The following MAIP1 variants were observed in gnomAD, a reference collection of about 807,000 sequenced individuals.
The protein encoded by MAIP1 is matrix AAA peptidase interacting protein 1, also known as m-AAA protease-interacting protein 1, mitochondrial.
A neutral mutation model predicts 31.2 loss-of-function variants in MAIP1; 28 were observed. The ratio of observed to expected loss-of-function variants is 0.90; its 90% CI spans 0.67 to 1.23. The LOEUF (loss-of-function observed/expected upper bound fraction) is 1.23. MAIP1 is among the 50% of genes most tolerant of loss of function. The probability of loss-of-function intolerance (pLI) is 0.00; values close to 1 mark genes in which losing one functional copy is unlikely to be tolerated. For missense variants in MAIP1, 339 were observed against 356.0 expected (o/e 0.95, Z 0.38); for synonymous variants, 142 against 142.3 (o/e 1.00, Z 0.02).
upstream of MAIP1, chr2:199,955,344 C>T (rs1464078626): frequency 1.8e-5 from 28 of 1,595,402 alleles, no homozygotes; most frequent in East Asian, 1.6e-4. Flanking sequence ...AAGGTAAAGA[C>T]GTGTCTCTCG....
Position 199,958,854 on chromosome 2 carries a change from C to T in MAIP1, c.451-414C>T, listed in dbSNP as rs1052604705. Among the ~76,000 whole-genome samples, 5 of 152,352 alleles carry T rather than the reference C, an allele frequency of 3.3e-5. No individual in the cohort carries two copies. The South Asian group carries it at 6.2e-4, about 19-fold the overall frequency. On this transcript the variant is annotated intron_variant, in intron 1 of 4. Transcript: ENST00000392290. ...ATCTCCCATACTGAGATTCAGACTA[C>T]AGCCCAGATTTCCAGACTCCCAATG...
chr2:199,960,637 A>AT (rs754348185), intron 3 of MAIP1, among the ~76,000 whole-genome samples: 19 of 152,360 alleles, frequency 1.2e-4, no homozygotes, highest in Admixed American at 3.3e-4. Context: ...TATTATAAAT[A>AT]ATCTAGAGAT....
chr2:199,959,314 T>C lies in MAIP1; in HGVS notation c.497T>C (p.Leu166Pro). Reference sequence around the variant, plus strand: ...TTGCTGTCACAGTGTAAATTTGATCTGTTGGAAGAACTTGTGGCCAAAGAG... The same window carrying C: ...TTGCTGTCACAGTGTAAATTTGATCCGTTGGAAGAACTTGTGGCCAAAGAG... ...SKLLSQCKFD[L>P]LEELVAKEVL... is the part of the protein sequence containing the mutation. The change falls in exon 2 of 5, where the codon CTG (leucine) becomes CCG (proline). Residue 166 changes from leucine to proline, a missense_variant. Leu to Pro is a moderately conservative substitution (Grantham distance 98, BLOSUM62 -3). Transcript: ENST00000392290. 1.9e-6 allele frequency: 3 copies of C among 1,598,896 alleles called. No individual in the cohort carries two copies. The highest frequency in any genetic ancestry group is 2.6e-6 in the Non-Finnish European group (3 of 1,166,426).
Position 199,955,671 on chromosome 2 carries a change from C to T in MAIP1, c.-128C>T, listed in dbSNP as rs552304349. ...TGCTGGAGAGCGGGGACGGGGCCGA[C>T]TCACCAGAGGCTGCAGCAACAGGTC... On this transcript the variant is annotated 5_prime_UTR_variant, in exon 1 of 5. Transcript: ENST00000392290. 338 of 1,140,006 alleles carry T rather than the reference C, an allele frequency of 3.0e-4. No homozygotes were observed. Among genetic ancestry groups the T allele is most frequent in the Admixed American group, 7.8e-4 (28 of 35,794 alleles). The allele number at this position is 1,140,006 out of a possible 1,614,324, so 70.6% of individuals were successfully genotyped here.
upstream of MAIP1, chr2:199,955,549 A>C: frequency 6.5e-7 from 1 of 1,537,560 alleles, no homozygotes; most frequent in Non-Finnish European, 8.8e-7. Context: ...GCCCGGAAAC[A>C]CGAGCGACAG....
At position 199,958,201 on chromosome 2, in the gene MAIP1, C is replaced by T. The variant is rs182904442; in HGVS notation, c.451-1067C>T. Among the ~76,000 whole-genome samples, 405 of 152,246 alleles carry T rather than the reference C, an allele frequency of 2.7e-3. 2 individuals carry two copies. Among genetic ancestry groups the T allele is most frequent in the Non-Finnish European group, 3.9e-3 (264 of 68,012 alleles). Reference sequence around the variant, plus strand: ...ACAGATGGCCGTCTTCTTGCTGTGTCCTTGCATGGTCCTCCCTGTGCATGC... The same window carrying T: ...ACAGATGGCCGTCTTCTTGCTGTGTTCTTGCATGGTCCTCCCTGTGCATGC... On this transcript the variant is annotated intron_variant, in intron 1 of 4. Transcript: ENST00000392290.
chr2:199,962,698 A>G (rs16832106), intron 4 of MAIP1, among the ~76,000 whole-genome samples: 20,965 of 152,172 alleles, frequency 0.14, 1,744 homozygotes, highest in Middle Eastern at 0.23. Context: ...TACATGAACA[A>G]TTTATTCACT....
At position 199,955,925 on chromosome 2, in the gene MAIP1, TG is replaced by T; in HGVS notation, c.128del (p.Cys43SerfsTer68). 6.3e-7 allele frequency: 1 copy of T among 1,599,356 alleles called. No homozygotes were observed. The highest frequency in any genetic ancestry group is 8.5e-7 in the Non-Finnish European group (1 of 1,171,386). ...GCCGTCGGCCACACTTTGCTACTTCTGCCGCTGTCGCCTCGGCTTGGGAGCG... is the reference window on the plus strand; with the variant it reads ...GCCGTCGGCCACACTTTGCTACTTCTCCGCTGTCGCCTCGGCTTGGGAGCG... ...RLPSATLCYF[C>X]RCRLGLGAAL... On this transcript the variant is annotated frameshift_variant, in exon 1 of 5. Transcript: ENST00000392290. LOFTEE classifies it high-confidence loss of function.
In MAIP1 at chr2:199,955,762, A is replaced by T. The variant is rs1206900851; in HGVS notation, c.-37A>T. On this transcript the variant is annotated 5_prime_UTR_variant, in exon 1 of 5. Coordinates refer to ENST00000392290, the MANE Select transcript of MAIP1 (RefSeq NM_001394955.1). ...GGTTTCCCACCGACTTCCTTTCCAT[A>T]CAGCACCGGCAGGCACCGGTGTGAA... The T allele has an allele frequency of 6.7e-7, 1 of 1,502,692 alleles. No homozygotes were observed. The highest frequency in any genetic ancestry group is 1.4e-5 in the African/African-American group (1 of 71,516). 93.1% of individuals were successfully genotyped at this position (1,502,692 alleles called of 1,614,324 possible).
chr2:199,963,974 A>T lies in MAIP1; in HGVS notation c.*163A>T. 2.3e-6 allele frequency: 1 copy of T among 435,608 alleles called. No individual in the cohort carries two copies. Among genetic ancestry groups the T allele is most frequent in the Non-Finnish European group, 4.1e-6 (1 of 245,758 alleles). The allele number at this position is 435,608 out of a possible 1,614,324, so 27.0% of individuals were successfully genotyped here. ...TATATTGGCATGATACAGTAAAAGC[A>T]TTTTCCACAGATTGTTATCACCTTC... On this transcript the variant is annotated 3_prime_UTR_variant, in exon 5 of 5. Transcript: ENST00000392290.
chr2:199,956,119 A>G lies in MAIP1; in HGVS notation c.321A>G (p.Lys107=). 1.2e-6 allele frequency: 2 copies of G among 1,614,160 alleles called. No individual in the cohort carries two copies. The highest frequency in any genetic ancestry group is 1.7e-6 in the Non-Finnish European group (2 of 1,180,024). Residue 107 remains lysine, a synonymous_variant, in exon 1 of 5, where the codon AAA becomes AAG. Coordinates refer to ENST00000392290, the MANE Select transcript of MAIP1 (RefSeq NM_001394955.1). ...AGGAGAAGCCCCAGCAGCACCAGAA[A>G]ACCAAGATGATCGTCCTGGGATTCT... ...STEEKPQQHQ[K]TKMIVLGFSN...
chr2:199,955,862 G>A lies in MAIP1; in HGVS notation c.64G>A (p.Val22Ile). 4 of 1,531,754 alleles carry A rather than the reference G, an allele frequency of 2.6e-6. No homozygotes were observed. Among genetic ancestry groups the A allele is most frequent in the Non-Finnish European group, 2.6e-6 (3 of 1,141,870 alleles). 94.9% of individuals were successfully genotyped at this position (1,531,754 alleles called of 1,614,324 possible). The change falls in exon 1 of 5, where the codon GTC becomes ATC. Residue 22 changes from valine (V) to isoleucine (I), a missense_variant. By Grantham distance (29) the Val-to-Ile change is conservative. Coordinates refer to ENST00000392290, the MANE Select transcript of MAIP1 (RefSeq NM_001394955.1). Reference sequence around the variant, plus strand: ...CTCTCGGTCGCTGCCCTGCGGGGCCGTCCGACTCCGGACTCCTGCTGTGGC... The same window carrying A: ...CTCTCGGTCGCTGCCCTGCGGGGCCATCCGACTCCGGACTCCTGCTGTGGC... ...LHSRSLPCGA[V>I]RLRTPAVAEV...
rs201435155 is a variant in MAIP1 at position 199,955,831 on chromosome 2, C to A, written c.33C>A (p.Phe11Leu). 8 of 1,520,538 alleles carry A rather than the reference C, an allele frequency of 5.3e-6. No homozygotes were observed. Among genetic ancestry groups the A allele is most frequent in the Non-Finnish European group, 5.3e-6 (6 of 1,136,758 alleles). 94.2% of individuals were successfully genotyped at this position (1,520,538 alleles called of 1,614,324 possible). MALAARLLPQ[F>L]LHSRSLPCGA... is the part of the protein sequence containing the mutation. ...TGGCCGCTCGTTTGCTACCCCAGTT[C>A]CTGCACTCTCGGTCGCTGCCCTGCG... The change falls in exon 1 of 5, where the codon TTC (phenylalanine) becomes TTA (leucine). Residue 11 changes from phenylalanine (F) to leucine (L), a missense_variant. Physicochemically the swap from Phe to Leu is conservative, Grantham distance 22. Coordinates refer to ENST00000392290, the MANE Select transcript of MAIP1 (RefSeq NM_001394955.1).
intron 3 of MAIP1, 45 bp downstream of exon 3, chr2:199,959,925 A>G (rs1372730251): frequency 5.1e-6 from 8 of 1,578,754 alleles, no homozygotes; most frequent in Non-Finnish European, 6.9e-6. Context: ...ATAATTGTCC[A>G]GATAAGCTAA....
chr2:199,960,525 AT>A (rs773843719), intron 3 of MAIP1, among the ~76,000 whole-genome samples: 4 of 152,186 alleles, frequency 2.6e-5, no homozygotes, highest in Non-Finnish European at 4.4e-5. Flanking sequence ...TTAAAAAAAA[AT>A]AGTTGCATCT....
At chr2:199,957,562 A>C (rs1039334274) in intron 1 of MAIP1, among the ~76,000 whole-genome samples, 1 of 152,192 alleles carries the variant, frequency 6.6e-6, no homozygotes, top group Non-Finnish European at 1.5e-5. Flanking sequence ...TTCCATAATC[A>C]TGGCCATTTG....
rs762429046 is a variant in MAIP1 at position 199,955,820 on chromosome 2, C to T, written c.22C>T (p.Leu8=). ...AAAAATGGCGCTGGCCGCTCGTTTG[C>T]TACCCCAGTTCCTGCACTCTCGGTC... MALAARL[L]PQFLHSRSLP... is the part of the protein sequence containing the mutation. Residue 8 remains leucine, a synonymous_variant, in exon 1 of 5, where the codon CTA becomes TTA. Coordinates refer to ENST00000392290, the MANE Select transcript of MAIP1 (RefSeq NM_001394955.1). 1.3e-6 allele frequency: 2 copies of T among 1,516,838 alleles called. No individual in the cohort carries two copies. Among genetic ancestry groups the T allele is most frequent in the Non-Finnish European group, 1.8e-6 (2 of 1,134,202 alleles). 94.0% of individuals were successfully genotyped at this position (1,516,838 alleles called of 1,614,324 possible). A position where few individuals can be genotyped will look rare whatever the true frequency, so the allele number is the denominator to read the frequency against.
intron 3 of MAIP1, among the ~76,000 whole-genome samples, chr2:199,960,145 T>C (rs1051700591): frequency 6.6e-6 from 1 of 152,258 alleles, no homozygotes; most frequent in Non-Finnish European, 1.5e-5. Context: ...GAAAATAGTT[T>C]GAGTGGCTCC....
chr2:199,956,123 A>G lies in MAIP1; in HGVS notation c.325A>G (p.Lys109Glu), dbSNP rs1345643977. 15 of 1,614,094 alleles carry G rather than the reference A, an allele frequency of 9.3e-6. No homozygotes were observed. Among genetic ancestry groups the G allele is most frequent in the South Asian group, 2.2e-5 (2 of 91,088 alleles). Reference protein sequence around the residue: ...EEKPQQHQKTKMIVLGFSNPI... With the variant: ...EEKPQQHQKTEMIVLGFSNPI... ...GAAGCCCCAGCAGCACCAGAAAACC[A>G]AGATGATCGTCCTGGGATTCTCCAA... is the stretch of plus-strand genomic sequence containing the variant. The change falls in exon 1 of 5, where the codon AAG becomes GAG. Residue 109 changes from lysine to glutamate, a missense_variant. Physicochemically the swap from Lys to Glu is moderately conservative, Grantham distance 56. Coordinates refer to ENST00000392290, the MANE Select transcript of MAIP1 (RefSeq NM_001394955.1).
Sources: allele counts gnomAD v4.1 joint callset (sites outside exome capture counted in the v4.1 genomes callset), GRCh38; gene constraint gnomAD v4.1.1; transcripts MANE v1.5; gene names NCBI Gene and HGNC (gene_info 2026-07-23, HGNC 2026-07-21).